OSBPL8: variants seen among roughly 807,000 people sequenced by gnomAD.
The protein encoded by OSBPL8 is oxysterol binding protein like 8, also known as oxysterol-binding protein-related protein 8.
A neutral mutation model predicts 125.5 loss-of-function variants in OSBPL8; 59 were observed. That is an observed-to-expected ratio of 0.47 (90% CI 0.38 to 0.58). The LOEUF (loss-of-function observed/expected upper bound fraction) is 0.58. OSBPL8 is among the 20% of genes least tolerant of loss of function. The probability of loss-of-function intolerance (pLI) is 0.00; values close to 1 mark genes in which losing one functional copy is unlikely to be tolerated. For synonymous variants in OSBPL8, 330 were observed against 338.9 expected, an observed-to-expected ratio of 0.97 and a Z score of 0.29; for missense variants, 758 against 1,047.8, an observed-to-expected ratio of 0.72 and a Z score of 3.82.
chr12:76,369,825 A>C lies in OSBPL8; in HGVS notation c.2055-3T>G. 6.2e-7 allele frequency: 1 copy of C among 1,600,072 alleles called. No homozygotes were observed. ...CTCGAGTTACCCGTTGCCAGAGTCT[A>C]ATACATGTGCGAAAATATTAAAAGT... On this transcript the variant is annotated splice_region_variant and splice_polypyrimidine_tract_variant and intron_variant, in intron 19 of 23. Transcript: ENST00000261183.
At chr12:76,392,325 C>T (rs150430696) in intron 10 of OSBPL8, among the ~76,000 whole-genome samples, 4 of 152,242 alleles carry the variant, frequency 2.6e-5, no homozygotes, top group Non-Finnish European at 4.4e-5. Context: ...GGACATCATG[C>T]ACAGACAAGG....
At position 76,485,207 on chromosome 12, in the gene OSBPL8, C is replaced by T. The variant is rs1031325489; in HGVS notation, c.42+2303G>A. ...CAAAGTGCTGGGATTACAGGTGTGA[C>T]GCACCGTGCCCGGCCTCTCACTACT... On this transcript the variant is annotated intron_variant, in intron 2 of 23. Coordinates refer to ENST00000261183, the MANE Select transcript of OSBPL8 (RefSeq NM_020841.5). Among the ~76,000 whole-genome samples the T allele has an allele frequency of 2.1e-4, 32 of 151,766 alleles. 1 individual carries two copies. The highest frequency in any genetic ancestry group is 6.8e-3 in the Middle Eastern group (2 of 294).
At chr12:76,496,169 A>G (rs1879246751) in intron 1 of OSBPL8, among the ~76,000 whole-genome samples, 1 of 148,538 alleles carries the variant, frequency 6.7e-6, no homozygotes, top group South Asian at 2.1e-4. Flanking sequence ...TGTCTGTAGT[A>G]TTTTTTTTTT....
At position 76,353,193 on chromosome 12, in the gene OSBPL8, A is replaced by G. The variant is rs1482061857; in HGVS notation, c.*2696T>C. The G allele has an allele frequency of 1.3e-5, 2 of 152,462 alleles. No homozygotes were observed. The highest frequency in any genetic ancestry group is 2.9e-5 in the Non-Finnish European group (2 of 67,882). The allele number at this position is 152,462 out of a possible 1,614,324, so 9.4% of individuals were successfully genotyped here. On this transcript the variant is annotated 3_prime_UTR_variant, in exon 24 of 24. Transcript: ENST00000261183. ...TACCAACTGAGCTGTGACAAAGAGTACACTGTACCTTTATAAGTGATATAA... is the reference window on the plus strand; with the variant it reads ...TACCAACTGAGCTGTGACAAAGAGTGCACTGTACCTTTATAAGTGATATAA...
intron 1 of OSBPL8, among the ~76,000 whole-genome samples, chr12:76,515,894 A>ACC (rs1447809166): frequency 6.6e-6 from 1 of 151,406 alleles, no homozygotes; most frequent in African/African-American, 2.4e-5. Flanking sequence ...CATCTTGGTG[A>ACC]CCCCCCCACT....
intron 1 of OSBPL8, among the ~76,000 whole-genome samples, chr12:76,517,825 C>T (rs1323604673): frequency 6.6e-6 from 1 of 152,050 alleles, no homozygotes; most frequent in Admixed American, 6.6e-5. Context: ...GGGGAGGTGC[C>T]ATACTCTTTC....
chr12:76,392,616 T>C lies in OSBPL8; in HGVS notation c.894A>G (p.Leu298=), dbSNP rs754959589. The change falls in exon 10 of 24, where the codon CTA becomes CTG. Residue 298 remains leucine (L), a synonymous_variant. Coordinates refer to ENST00000261183, the MANE Select transcript of OSBPL8 (RefSeq NM_020841.5). ...CACCACTGTGGAGATTGTTAGCACG[T>C]AGTAAGCCATAGAAAGTCACATGTG... is the stretch of plus-strand genomic sequence containing the variant. ...DSTHVTFYGL[L]RANNLHSGDN... is the part of the protein sequence containing the mutation. The C allele has an allele frequency of 8.1e-6, 13 of 1,613,840 alleles. No individual in the cohort carries two copies. The highest frequency in any genetic ancestry group is 2.2e-5 in the East Asian group (1 of 44,846).
chr12:76,370,063 T>C (rs1360830194), intron 19 of OSBPL8, among the ~76,000 whole-genome samples: 1 of 152,140 alleles, frequency 6.6e-6, no homozygotes, highest in Non-Finnish European at 1.5e-5. Context: ...ACTTACTACA[T>C]AGACTCTTAA....
chr12:76,458,967 T>C (rs190818559), intron 3 of OSBPL8, among the ~76,000 whole-genome samples: 297 of 152,334 alleles, frequency 1.9e-3, no homozygotes, highest in Non-Finnish European at 3.7e-3. Flanking sequence ...TTTTCTATAT[T>C]ATTCATCAAT....
intron 21 of OSBPL8, chr12:76,366,542 A>T (rs934445976): frequency 2.3e-6 from 1 of 426,764 alleles, no homozygotes; most frequent in African/African-American, 2.1e-5. Flanking sequence ...TATTTTGTTT[A>T]TCTGTACTCT....
Position 76,410,612 on chromosome 12 carries a change from A to G in OSBPL8, c.240T>C (p.Asp80=), listed in dbSNP as rs1343814776. The change falls in exon 5 of 24, where the codon GAT becomes GAC. Residue 80 remains aspartate (D), a synonymous_variant. Coordinates refer to ENST00000261183, the MANE Select transcript of OSBPL8 (RefSeq NM_020841.5). ...AAGATTCATCTTTATTTTGAGAAAT[A>G]TCTTCCTTCCCTCTTTCAAAACCTT... ...HSQGFERGKE[D]ISQNKDESSL... is the part of the protein sequence containing the mutation. 5.0e-6 allele frequency: 8 copies of G among 1,607,104 alleles called. No homozygotes were observed. In the South Asian group the frequency reaches 8.8e-5, roughly 18 times the overall value.
At chr12:76,414,060 C>T (rs1417816683) in intron 4 of OSBPL8, among the ~76,000 whole-genome samples, 2 of 152,208 alleles carry the variant, frequency 1.3e-5, no homozygotes, top group African/African-American at 2.4e-5. Flanking sequence ...TCTACATCTA[C>T]AATCCACCTG....
At chr12:76,359,754 A>C (rs1353074347) in intron 21 of OSBPL8, among the ~76,000 whole-genome samples, 1 of 152,200 alleles carries the variant, frequency 6.6e-6, no homozygotes, top group Non-Finnish European at 1.5e-5. Context: ...ACCTCTGATA[A>C]AACCATCAGA....
rs930584226 is a variant in OSBPL8, at chr12:76,354,763, TAAG to T, written c.*1123_*1125del. 10 of 151,972 alleles carry T rather than the reference TAAG, an allele frequency of 6.6e-5. No homozygotes were observed. Among genetic ancestry groups the T allele is most frequent in the South Asian group, 2.1e-4 (1 of 4,832 alleles). 9.4% of individuals were successfully genotyped at this position (151,972 alleles called of 1,614,324 possible). The stretch of plus-strand genomic sequence containing the variant: ...TGGTTTTGCCACAGAAAGAAGTTAC[TAAG>T]AAGAGAGGAGGATAATAAAAAAATT... On this transcript the variant is annotated 3_prime_UTR_variant, in exon 24 of 24. Coordinates refer to ENST00000261183, the MANE Select transcript of OSBPL8 (RefSeq NM_020841.5).
At chr12:76,375,503 CTA>C in intron 16 of OSBPL8, 133 bp from the exon 17 acceptor site, 2 of 594,094 alleles carry the variant, frequency 3.4e-6, no homozygotes, top group Non-Finnish European at 5.8e-6. Flanking sequence ...AAATGAAAAA[CTA>C]TAATATAGAC....
chr12:76,367,495 C>A (rs527930975), intron 21 of OSBPL8, among the ~76,000 whole-genome samples: 1 of 152,044 alleles, frequency 6.6e-6, no homozygotes, highest in Non-Finnish European at 1.5e-5. Flanking sequence ...ATAGTTGGGT[C>A]ATGTTTATTT....
chr12:76,377,633 G>T (rs537507713), intron 16 of OSBPL8, among the ~76,000 whole-genome samples: 1 of 152,020 alleles, frequency 6.6e-6, no homozygotes, highest in Non-Finnish European at 1.5e-5. Context: ...ATGTTTTCAT[G>T]AATCAGTTCC....
intron 5 of OSBPL8, among the ~76,000 whole-genome samples, chr12:76,406,079 A>C (rs1185331278): frequency 6.6e-6 from 1 of 152,346 alleles, no homozygotes; most frequent in African/African-American, 2.4e-5. Context: ...AATGATACTT[A>C]AAGTGTTTAA....
intron 1 of OSBPL8, among the ~76,000 whole-genome samples, chr12:76,526,009 C>A (rs943519003): frequency 4.6e-5 from 7 of 152,352 alleles, no homozygotes; most frequent in Admixed American, 2.0e-4. Context: ...TATATCTTCA[C>A]TTGAATAGTG....
Sources: allele counts gnomAD v4.1 joint callset (sites outside exome capture counted in the v4.1 genomes callset), GRCh38; gene constraint gnomAD v4.1.1; transcripts MANE v1.5; gene names NCBI Gene and HGNC (gene_info 2026-07-23, HGNC 2026-07-21).